EPM2A: variants seen among roughly 807,000 people sequenced by gnomAD.
EPM2A encodes the protein laforin.
Under a neutral mutation model 26.5 loss-of-function variants are expected in EPM2A, and 21 were observed. That is an observed-to-expected ratio of 0.79 (90% CI 0.56 to 1.14). The LOEUF (loss-of-function observed/expected upper bound fraction) is 1.14. EPM2A is among the 50% of genes most tolerant of loss of function. The probability of loss-of-function intolerance (pLI) is 0.00; values close to 1 mark genes in which losing one functional copy is unlikely to be tolerated. For missense variants in EPM2A, 458 were observed against 440.8 expected (o/e 1.04, Z -0.35); for synonymous variants, 217 against 177.6 (o/e 1.22, Z -1.76).
At chr6:145,663,553 G>GTGA (rs1321682461) in intron 2 of EPM2A, among the ~76,000 whole-genome samples, 1 of 152,166 alleles carries the variant, frequency 6.6e-6, no homozygotes, top group Admixed American at 6.5e-5. Context: ...GTACCTGAAA[G>GTGA]TGATGCGGAG....
At chr6:145,536,935 T>C (rs1582833697) in intron 2 of EPM2A, among the ~76,000 whole-genome samples, 1 of 152,074 alleles carries the variant, frequency 6.6e-6, no homozygotes, top group Non-Finnish European at 1.5e-5. Context: ...TGTGCCCTGA[T>C]TGTAGGTTGT....
chr6:145,689,244 C>CT (rs1204475634), intron 1 of EPM2A, among the ~76,000 whole-genome samples: 1 of 152,032 alleles, frequency 6.6e-6, no homozygotes. Flanking sequence ...ATTAAAATGT[C>CT]TTTTAGAGGA....
At chr6:145,469,951 T>C (rs879758520) in intron 4 of EPM2A, among the ~76,000 whole-genome samples, 1 of 152,110 alleles carries the variant, frequency 6.6e-6, no homozygotes, top group Non-Finnish European at 1.5e-5. Flanking sequence ...TCTCATGTAT[T>C]TGTGGGAACT....
intron 2 of EPM2A, among the ~76,000 whole-genome samples, chr6:145,551,941 A>G (rs1024390885): frequency 2.6e-5 from 4 of 152,070 alleles, no homozygotes; most frequent in Non-Finnish European, 4.4e-5. Flanking sequence ...TCGATATAGA[A>G]CCAAATAAAA....
chr6:145,572,537 C>G (rs184951123), intron 2 of EPM2A, among the ~76,000 whole-genome samples: 1 of 152,298 alleles, frequency 6.6e-6, no homozygotes, highest in East Asian at 1.9e-4. Flanking sequence ...CGCATGGTGA[C>G]GTGATGACCC....
At chr6:145,538,309 T>C (rs1224291820) in intron 2 of EPM2A, among the ~76,000 whole-genome samples, 1 of 152,150 alleles carries the variant, frequency 6.6e-6, no homozygotes, top group Non-Finnish European at 1.5e-5. Flanking sequence ...ACTTAATACA[T>C]GTTTAGTAAT....
intron 1 of EPM2A, chr6:145,734,536 G>A (rs1406229420): frequency 1.3e-5 from 2 of 151,476 alleles, no homozygotes; most frequent in African/African-American, 4.9e-5. Flanking sequence ...ATATATCTGG[G>A]ATTAAAAAAG....
intron 4 of EPM2A, among the ~76,000 whole-genome samples, chr6:145,452,945 C>G (rs1255173440): frequency 6.6e-6 from 1 of 152,136 alleles, no homozygotes; most frequent in African/African-American, 2.4e-5. Context: ...TTCTTTCTCT[C>G]TTAATTGCAA....
chr6:145,671,220 A>G (rs745855916), intron 2 of EPM2A: 14 of 1,031,496 alleles, frequency 1.4e-5, no homozygotes, highest in Non-Finnish European at 1.6e-5. Flanking sequence ...TTATCATTAT[A>G]CAAGAAGTGT....
chr6:145,614,670 G>A (rs1453900629), intron 2 of EPM2A, among the ~76,000 whole-genome samples: 1 of 152,156 alleles, frequency 6.6e-6, no homozygotes, highest in African/African-American at 2.4e-5. Context: ...AGGGAGATGA[G>A]GAAATGGCAA....
intron 2 of EPM2A, among the ~76,000 whole-genome samples, chr6:145,643,242 T>A (rs1777216409): frequency 6.6e-6 from 1 of 152,186 alleles, no homozygotes; most frequent in South Asian, 2.1e-4. Flanking sequence ...AAAACTAATA[T>A]CTACAAGTTT....
At chr6:145,430,426 C>G (rs542856509) in intron 4 of EPM2A, among the ~76,000 whole-genome samples, 1 of 151,688 alleles carries the variant, frequency 6.6e-6, no homozygotes, top group Non-Finnish European at 1.5e-5. Context: ...ATGGTGAAAC[C>G]CCGTCTCTAC....
At chr6:145,405,922 C>A (rs1336283167) in intron 4 of EPM2A, among the ~76,000 whole-genome samples, 1 of 151,476 alleles carries the variant, frequency 6.6e-6, no homozygotes, top group Non-Finnish European at 1.5e-5. Context: ...CTTGACCATT[C>A]CTGAACATTA....
chr6:145,465,630 T>C (rs1039465309), intron 4 of EPM2A, among the ~76,000 whole-genome samples: 2 of 151,696 alleles, frequency 1.3e-5, no homozygotes, highest in African/African-American at 4.9e-5. Flanking sequence ...ATGATGGTGA[T>C]GTACAGATGG....
chr6:145,543,400 T>A (rs1324020569), intron 2 of EPM2A, among the ~76,000 whole-genome samples: 1 of 152,062 alleles, frequency 6.6e-6, no homozygotes, highest in Non-Finnish European at 1.5e-5. Flanking sequence ...ACATAGCCTC[T>A]TGTCAAAAAA....
At chr6:145,685,660 C>A (rs1423439060) in intron 2 of EPM2A, among the ~76,000 whole-genome samples, 1 of 152,036 alleles carries the variant, frequency 6.6e-6, no homozygotes, top group East Asian at 1.9e-4. Flanking sequence ...ACAAATAAAT[C>A]AAAATATTAA....
chr6:145,698,823 T>C (rs1028611544), intron 1 of EPM2A, among the ~76,000 whole-genome samples: 46 of 152,184 alleles, frequency 3.0e-4, no homozygotes, highest in African/African-American at 9.9e-4. Context: ...CTAATGCCAT[T>C]ACACCCCATA....
intron 2 of EPM2A, among the ~76,000 whole-genome samples, chr6:145,573,855 A>G (rs1780993427): frequency 6.6e-6 from 1 of 152,124 alleles, no homozygotes; most frequent in African/African-American, 2.4e-5. Flanking sequence ...AACTCTACTA[A>G]TTACCTGAGC....
chr6:145,476,351 A>G (rs756703231), intron 4 of EPM2A, among the ~76,000 whole-genome samples: 1 of 152,056 alleles, frequency 6.6e-6, no homozygotes, highest in Non-Finnish European at 1.5e-5. Flanking sequence ...AGACTTCAAT[A>G]CCCCACTTTC....
Sources: allele counts gnomAD v4.1 joint callset (sites outside exome capture counted in the v4.1 genomes callset), GRCh38; gene constraint gnomAD v4.1.1; transcripts MANE v1.5; gene names NCBI Gene and HGNC (gene_info 2026-07-23, HGNC 2026-07-21).